TPTE2: variants seen among roughly 807,000 people sequenced by gnomAD.
TPTE2 encodes the protein phosphatidylinositol 3,4,5-trisphosphate 3-phosphatase TPTE2.
Under a neutral mutation model 78.6 loss-of-function variants are expected in TPTE2, and 53 were observed. The ratio of observed to expected loss-of-function variants is 0.67; its 90% CI spans 0.54 to 0.85. The LOEUF (loss-of-function observed/expected upper bound fraction) is 0.85. Among genes scored for constraint, TPTE2 ranks in the 40% least tolerant of loss-of-function variants. The pLI is 0.00. For missense variants in TPTE2, 461 were observed against 623.0 expected (o/e 0.74, Z 2.77); for synonymous variants, 175 against 206.2 (o/e 0.85, Z 1.30).
intron 10 of TPTE2, 138 bp downstream of exon 13, chr13:19,464,318 T>C: frequency 1.1e-6 from 1 of 884,988 alleles, no homozygotes; most frequent in Non-Finnish European, 1.7e-6. Flanking sequence ...TTGTAACTGG[T>C]ATCAATCCAT....
At chr13:19,519,659 T>C (rs1870027331) in intron 1 of TPTE2, among the ~76,000 whole-genome samples, 1 of 152,212 alleles carries the variant, frequency 6.6e-6, no homozygotes, top group Non-Finnish European at 1.5e-5. Context: ...ATTCTAGTAC[T>C]ACACAATTTT....
At chr13:19,532,262 T>A (rs1870930152) in intron 1 of TPTE2, among the ~76,000 whole-genome samples, 1 of 152,104 alleles carries the variant, frequency 6.6e-6, no homozygotes, top group South Asian at 2.1e-4. Context: ...CTCCAAAACT[T>A]AGGTCTTGCT....
At chr13:19,550,932 C>T in the TPTE2 span, among the ~76,000 whole-genome samples, 1 of 152,154 alleles carries the variant, frequency 6.6e-6, no homozygotes, top group Non-Finnish European at 1.5e-5. Context: ...ACTACGATTA[C>T]AGGCATGAGC....
intron 13 of TPTE2, among the ~76,000 whole-genome samples, chr13:19,444,517 T>C (rs1419795049): frequency 6.6e-6 from 1 of 152,002 alleles, no homozygotes; most frequent in African/African-American, 2.4e-5. Flanking sequence ...GCAAGCTTTC[T>C]ATACAGAAAA....
At chr13:19,442,989 A>G (rs1877590199) in intron 13 of TPTE2, among the ~76,000 whole-genome samples, 2 of 152,188 alleles carry the variant, frequency 1.3e-5, no homozygotes, top group African/African-American at 2.4e-5. Flanking sequence ...ATCAGCATGC[A>G]TAAATTTACC....
chr13:19,521,557 C>T (rs79765221), intron 1 of TPTE2, among the ~76,000 whole-genome samples: 3,854 of 151,930 alleles, frequency 0.025, 128 homozygotes, highest in African/African-American at 0.075. Flanking sequence ...GAGAGAAATT[C>T]CCATTTAATA....
upstream of TPTE2, among the ~76,000 whole-genome samples, chr13:19,506,693 A>C (rs1306897877): frequency 6.6e-6 from 1 of 152,256 alleles, no homozygotes; most frequent in Non-Finnish European, 1.5e-5. Context: ...GCTAGCAAAG[A>C]GGTATCAAGC....
upstream of TPTE2, among the ~76,000 whole-genome samples, chr13:19,506,160 C>T (rs1334216000): frequency 5.8e-3 from 189 of 32,836 alleles, no homozygotes; most frequent in East Asian, 6.5e-3. Context: ...GTATATAAAT[C>T]TTTTTTTTTT....
chr13:19,514,592 A>ACT (rs1869666395), intron 1 of TPTE2, among the ~76,000 whole-genome samples: 2 of 126,710 alleles, frequency 1.6e-5, no homozygotes, highest in African/African-American at 5.4e-5. Flanking sequence ...TACTTCTGAG[A>ACT]GTGTGTGTGT....
chr13:19,448,133 G>T (rs1031567737), intron 13 of TPTE2, among the ~76,000 whole-genome samples: 1 of 152,128 alleles, frequency 6.6e-6, no homozygotes, highest in African/African-American at 2.4e-5. Context: ...TCCACTTGCA[G>T]AAAAATGAAA....
At chr13:19,425,199 C>G (rs1875937195) in intron 18 of TPTE2, among the ~76,000 whole-genome samples, 182 bp from the exon 22 acceptor site, 2 of 152,160 alleles carry the variant, frequency 1.3e-5, no homozygotes, top group South Asian at 4.1e-4. Flanking sequence ...TAAGAAAATG[C>G]TATTGCATTC....
chr13:19,507,874 CT>C (rs1270116455), upstream of TPTE2, among the ~76,000 whole-genome samples: 4 of 152,202 alleles, frequency 2.6e-5, no homozygotes, highest in African/African-American at 9.7e-5. Context: ...ACATTGCCAG[CT>C]TTTGCCAGCT....
At chr13:19,538,609 A>G (rs957882868), upstream of TPTE2, among the ~76,000 whole-genome samples, 1 of 151,022 alleles carries the variant, frequency 6.6e-6, no homozygotes, top group African/African-American at 2.4e-5. Flanking sequence ...GCTCACTGCA[A>G]CCTCCACCTC....
At chr13:19,536,495 TTA>T (rs2137759365) in intron 1 of TPTE2, 2 of 152,316 alleles carry the variant, frequency 1.3e-5, no homozygotes, top group East Asian at 3.9e-4. Context: ...GTGCTTTTCT[TTA>T]TAGTTTTATC....
intron 10 of TPTE2, among the ~76,000 whole-genome samples, chr13:19,455,854 A>T (rs1309468509): frequency 6.6e-6 from 1 of 152,254 alleles, no homozygotes; most frequent in Non-Finnish European, 1.5e-5. Context: ...TTCATGATTC[A>T]AAACTTTTAG....
At chr13:19,537,064 C>G (rs1324112919), upstream of TPTE2, among the ~76,000 whole-genome samples, 1 of 151,706 alleles carries the variant, frequency 6.6e-6, no homozygotes, top group Non-Finnish European at 1.5e-5. Flanking sequence ...TTTTGGCCTT[C>G]TAAGGGTTAT....
Position 19,430,535 on chromosome 13 carries a change from T to C in TPTE2, c.1235A>G (p.Asp412Gly), listed in dbSNP as rs1317626744. 6.2e-7 allele frequency: 1 copy of C among 1,610,990 alleles called. No individual in the cohort carries two copies. Among genetic ancestry groups the C allele is most frequent in the Non-Finnish European group, 8.5e-7 (1 of 1,178,760 alleles). Residue 412 changes from aspartate to glycine, a missense_variant, in exon 17 of 20, where the codon GAT becomes GGT. Physicochemically the swap from Asp to Gly is moderately conservative, Grantham distance 94. Transcript: ENST00000400230. Reference sequence around the variant, plus strand: ...CTCCATTACTACTTGGACTTTTAGATCACATACATCACCTGTTCCAACAAA... The same window carrying C: ...CTCCATTACTACTTGGACTTTTAGACCACATACATCACCTGTTCCAACAAA...
intron 4 of TPTE2, among the ~76,000 whole-genome samples, chr13:19,477,127 C>A (rs985870705): frequency 2.0e-5 from 3 of 152,076 alleles, no homozygotes; most frequent in African/African-American, 7.2e-5. Flanking sequence ...AAACCAAATA[C>A]TGAATGTTCT....
At chr13:19,550,959 A>G in the TPTE2 span, among the ~76,000 whole-genome samples, 1 of 152,082 alleles carries the variant, frequency 6.6e-6, no homozygotes, top group Admixed American at 6.6e-5. Flanking sequence ...GCCCAGCCTA[A>G]TACTGGGTTT....
Sources: gnomAD v4.1 joint callset for allele counts (sites outside exome capture counted in the v4.1 genomes callset) on GRCh38, gnomAD v4.1.1 for gene constraint, MANE v1.5 for transcripts, NCBI Gene and HGNC (gene_info 2026-07-23, HGNC 2026-07-21) for gene names.